PLCL1: variants seen among roughly 807,000 people sequenced by gnomAD.
PLCL1 encodes phospholipase C like 1 (inactive).
A neutral mutation model predicts 84.4 loss-of-function variants in PLCL1; 41 were observed. The ratio of observed to expected loss-of-function variants is 0.49; its 90% CI spans 0.38 to 0.63. The LOEUF is 0.63. Among genes scored for constraint, PLCL1 ranks in the 30% least tolerant of loss-of-function variants. The pLI, the probability that PLCL1 is intolerant of heterozygous loss-of-function variation, is 0.00. For missense variants in PLCL1, 1,206 were observed against 1,367.8 expected (o/e 0.88, Z 1.87); for synonymous variants, 490 against 488.3 (o/e 1.00, Z -0.05).
At chr2:197,836,422 G>C (rs1335103330) in intron 1 of PLCL1, among the ~76,000 whole-genome samples, 2 of 138,170 alleles carry the variant, frequency 1.4e-5, no homozygotes, top group Non-Finnish European at 3.0e-5. Flanking sequence ...ACTCCAGCCT[G>C]GGCGACAGAG....
chr2:197,920,592 C>A (rs1688682564), intron 1 of PLCL1, among the ~76,000 whole-genome samples: 1 of 151,992 alleles, frequency 6.6e-6, no homozygotes, highest in Non-Finnish European at 1.5e-5. Context: ...ATAACATATG[C>A]AAAAGTACCT....
chr2:197,970,995 C>T (rs1388501800), intron 1 of PLCL1, among the ~76,000 whole-genome samples: 2 of 152,160 alleles, frequency 1.3e-5, no homozygotes, highest in East Asian at 3.8e-4. Flanking sequence ...TATGTTTATG[C>T]TATAATAAGA....
chr2:198,001,200 A>C (rs1412733641), intron 1 of PLCL1, among the ~76,000 whole-genome samples: 1 of 152,170 alleles, frequency 6.6e-6, no homozygotes, highest in Non-Finnish European at 1.5e-5. Context: ...CCTATTTACC[A>C]CATGGCATTG....
At chr2:197,895,385 T>C (rs552978465) in intron 1 of PLCL1, among the ~76,000 whole-genome samples, 27 of 152,036 alleles carry the variant, frequency 1.8e-4, no homozygotes, top group Admixed American at 4.6e-4. Flanking sequence ...AGATCAATCA[T>C]TTTTATTTTT....
At chr2:198,069,066 A>G (rs966576968) in intron 1 of PLCL1, among the ~76,000 whole-genome samples, 1 of 151,982 alleles carries the variant, frequency 6.6e-6, no homozygotes, top group Non-Finnish European at 1.5e-5. Flanking sequence ...AAATAAAAAA[A>G]TAAAAAAAAT....
intron 1 of PLCL1, among the ~76,000 whole-genome samples, chr2:197,907,534 G>A (rs773338444): frequency 2.0e-5 from 3 of 152,126 alleles, no homozygotes; most frequent in Non-Finnish European, 2.9e-5. Flanking sequence ...AGTTTGAGCT[G>A]ATCCATTCAG....
rs559327129 is a variant in PLCL1 at position 197,971,822 on chromosome 2, G to A, written c.241-111936G>A. Among the ~76,000 whole-genome samples the A allele has an allele frequency of 1.1e-3, 168 of 152,156 alleles. 1 individual carries two copies. The highest frequency in any genetic ancestry group is 1.9e-3 in the Non-Finnish European group (132 of 67,980). On this transcript the variant is annotated intron_variant, in intron 1 of 5. Coordinates refer to ENST00000428675, the MANE Select transcript of PLCL1 (RefSeq NM_006226.4). ...TATACTCAGCAAATAATCTGATCTA[G>A]CATTTTTTCATTTATGGGTAACATC...
At chr2:198,130,284 CTCTT>C (rs1325745470) in intron 5 of PLCL1, among the ~76,000 whole-genome samples, 2 of 152,176 alleles carry the variant, frequency 1.3e-5, no homozygotes, top group African/African-American at 4.8e-5. Context: ...ACATCTCTGA[CTCTT>C]TCTTCCCAGA....
At position 197,805,280 on chromosome 2, in the gene PLCL1, AGC is replaced by A; in HGVS notation, c.183_184del (p.Ser61ArgfsTer45). The A allele has an allele frequency of 7.8e-7, 1 of 1,286,390 alleles. No homozygotes were observed. Among genetic ancestry groups the A allele is most frequent in the Non-Finnish European group, 9.8e-7 (1 of 1,018,712 alleles). 79.7% of individuals were successfully genotyped at this position (1,286,390 alleles called of 1,614,324 possible). ...AGGCGCCGCGGGGACCCCAGCGGAC[AGC>A]GAGGCGGGCCTCCTGGAGGCAGCAC... The part of the protein sequence containing the change: ...LPGAAGTPAD[S>X]EAGLLEAARA... On this transcript the variant is annotated frameshift_variant, in exon 1 of 6. Coordinates refer to ENST00000428675, the MANE Select transcript of PLCL1 (RefSeq NM_006226.4). LOFTEE classifies it high-confidence loss of function. The surrounding 1 kb of genome is among the most constrained non-coding windows in gnomAD (Gnocchi z 4.0).
chr2:197,998,490 C>A (rs771242894), intron 1 of PLCL1, among the ~76,000 whole-genome samples: 1 of 151,908 alleles, frequency 6.6e-6, no homozygotes, highest in Non-Finnish European at 1.5e-5. Context: ...CATTATTTGT[C>A]CCTTCATCTC....
intron 1 of PLCL1, among the ~76,000 whole-genome samples, chr2:197,832,874 T>C (rs572246823): frequency 1.3e-5 from 2 of 152,182 alleles, no homozygotes; most frequent in Non-Finnish European, 2.9e-5. Context: ...ATGTAATCCA[T>C]CACATAAACA....
At chr2:198,124,119 G>A (rs903700039) in intron 5 of PLCL1, among the ~76,000 whole-genome samples, 1 of 152,036 alleles carries the variant, frequency 6.6e-6, no homozygotes, top group African/African-American at 2.4e-5. Flanking sequence ...TTGATCTTTG[G>A]CAGAAAAATG....
chr2:197,948,388 G>T (rs1689322996), intron 1 of PLCL1, among the ~76,000 whole-genome samples: 1 of 152,178 alleles, frequency 6.6e-6, no homozygotes, highest in African/African-American at 2.4e-5. Flanking sequence ...GTGGGACTGA[G>T]GGTAGACAGT....
chr2:198,042,176 G>T (rs1245712629), intron 1 of PLCL1, among the ~76,000 whole-genome samples: 9 of 152,298 alleles, frequency 5.9e-5, no homozygotes, highest in Admixed American at 4.6e-4. Context: ...TGCCTTGAAT[G>T]AAGATGCAAG....
intron 1 of PLCL1, among the ~76,000 whole-genome samples, chr2:197,849,563 A>G (rs1264500119): frequency 4.6e-5 from 7 of 152,202 alleles, no homozygotes; most frequent in Non-Finnish European, 1.0e-4. Flanking sequence ...TAAAAAATAA[A>G]TATTTATTGC....
intron 1 of PLCL1, among the ~76,000 whole-genome samples, chr2:197,893,910 T>A (rs1688080254): frequency 6.6e-6 from 1 of 151,920 alleles, no homozygotes; most frequent in African/African-American, 2.4e-5. Flanking sequence ...GCTCTTTGAC[T>A]TTTTGCTCTG....
At position 198,112,763 on chromosome 2, in the gene PLCL1, A is replaced by G. The variant is rs563211188; in HGVS notation, c.3105+8827A>G. Among the ~76,000 whole-genome samples, 4 of 152,028 alleles carry G rather than the reference A, an allele frequency of 2.6e-5. No homozygotes were observed. In the East Asian group the frequency reaches 5.8e-4, roughly 22 times the overall value. On this transcript the variant is annotated intron_variant, in intron 5 of 5. Transcript: ENST00000428675. ...ATGCCAGAAACATTTGGTGAACGCA[A>G]CTGGGAGGGGCAAAATAGGGATGAA...
intron 1 of PLCL1, among the ~76,000 whole-genome samples, chr2:198,051,991 C>T (rs1691944506): frequency 6.6e-6 from 1 of 151,998 alleles, no homozygotes; most frequent in Non-Finnish European, 1.5e-5. Flanking sequence ...CTCACCACAA[C>T]CTCCGCCTCC....
chr2:198,092,537 G>A (rs73063012), intron 3 of PLCL1, among the ~76,000 whole-genome samples: 10,389 of 151,782 alleles, frequency 0.068, 739 homozygotes, highest in African/African-American at 0.19. Flanking sequence ...CTGTACCACC[G>A]ACACCACCTC....
Sources: gnomAD v4.1 joint callset for allele counts (sites outside exome capture counted in the v4.1 genomes callset) on GRCh38, gnomAD v4.1.1 for gene constraint, Gnocchi (gnomAD v3.1) non-coding constraint, MANE v1.5 for transcripts, NCBI Gene and HGNC (gene_info 2026-07-23, HGNC 2026-07-21) for gene names.